Variants in TBXAS1 observed in about 807,000 individuals in gnomAD.
TBXAS1 encodes thromboxane-A synthase.
Under a neutral mutation model 60.7 loss-of-function variants are expected in TBXAS1, and 48 were observed. The observed-to-expected ratio is 0.79, with a 90% CI of 0.63 to 1.01. The LOEUF (loss-of-function observed/expected upper bound fraction) is 1.01, where lower values mean the gene tolerates loss of function less well. Ranked by LOEUF, TBXAS1 falls within the 50% of genes least tolerant of loss-of-function variation. The pLI is 0.00. For missense variants in TBXAS1, 685 were observed against 686.3 expected (o/e 1.00, Z 0.02); for synonymous variants, 287 against 269.7 (o/e 1.06, Z -0.63).
At position 139,805,712 on chromosome 7, in the gene TBXAS1, T is replaced by TTCTTTTCTC. The variant is rs753031062; in HGVS notation, c.-80+18289_-80+18290insTTTCTCTCT. Among the ~76,000 whole-genome samples, 177 of 44,354 alleles carry TTCTTTTCTC rather than the reference T, an allele frequency of 4.0e-3. 2 individuals carry two copies. Among genetic ancestry groups the TTCTTTTCTC allele is most frequent in the Admixed American group, 0.035 (150 of 4,314 alleles). The allele number at this position is 44,354 out of a possible 152,430, so 29.1% of individuals were successfully genotyped here. On this transcript the variant is annotated intron_variant, in intron 4 of 16. Coordinates refer to the TBXAS1 transcript ENST00000336425. ...TTTCTTTCTTTCTTTCTTTCTTTCT[T>TTCTTTTCTC]TCTCTCTCTCTCTCTCTCTTTCTTT...
At chr7:139,836,035 AAAATAAATAAATAAATAAATAAAT>A (rs201367497) in intron 1 of TBXAS1, among the ~76,000 whole-genome samples, 2 of 140,348 alleles carry the variant, frequency 1.4e-5, no homozygotes, top group South Asian at 2.3e-4. Flanking sequence ...AATAGCTGCA[AAAATAAATAAATAAATAAATAAAT>A]AAATAAATAA....
chr7:139,941,796 C>G (rs946054154), intron 5 of TBXAS1, among the ~76,000 whole-genome samples: 13 of 152,166 alleles, frequency 8.5e-5, no homozygotes, highest in Non-Finnish European at 1.9e-4. Flanking sequence ...TTGTGTAAAA[C>G]TTTATTAAGG....
At chr7:139,808,508 AT>A (rs1168612564) in intron 4 of TBXAS1, among the ~76,000 whole-genome samples, 2 of 152,134 alleles carry the variant, frequency 1.3e-5, no homozygotes, top group Non-Finnish European at 2.9e-5. Context: ...TAATTTAATT[AT>A]TAATAATGAC....
intron 9 of TBXAS1, among the ~76,000 whole-genome samples, chr7:139,976,093 T>G (rs530667265): frequency 1.3e-5 from 2 of 152,382 alleles, no homozygotes; most frequent in East Asian, 3.9e-4. Flanking sequence ...TTCATTTTCA[T>G]CATTTTCCTT....
chr7:140,009,490 C>T (rs566924799), intron 10 of TBXAS1, among the ~76,000 whole-genome samples: 63 of 152,186 alleles, frequency 4.1e-4, no homozygotes, highest in African/African-American at 1.3e-3. Context: ...GGAGGAGCGC[C>T]GGCACTGGTC....
At chr7:139,842,503 T>C (rs754107921) in intron 1 of TBXAS1, among the ~76,000 whole-genome samples, 4 of 152,224 alleles carry the variant, frequency 2.6e-5, no homozygotes, top group Non-Finnish European at 4.4e-5. Flanking sequence ...TATATGGACT[T>C]GTTTTTTGGT....
intron 4 of TBXAS1, among the ~76,000 whole-genome samples, chr7:139,790,912 G>A (rs1207055317): frequency 6.6e-6 from 1 of 152,068 alleles, no homozygotes; most frequent in African/African-American, 2.4e-5. Context: ...AAGCAATCCT[G>A]CCACCTCAGC....
chr7:139,852,821 A>G lies in TBXAS1; in HGVS notation c.90-19414A>G, dbSNP rs1251099546. On this transcript the variant is annotated intron_variant, in intron 1 of 12. Coordinates refer to ENST00000448866, the MANE Select transcript of TBXAS1 (RefSeq NM_001061.7). The surrounding 1 kb of genome is among the most constrained non-coding windows in gnomAD (Gnocchi z 4.4). ...TTATGAAGACATAACTTCTTATCCA[A>G]TTGGCAAACATTTTTTAAATGCCTA... is the stretch of plus-strand genomic sequence containing the variant. Among the ~76,000 whole-genome samples the G allele has an allele frequency of 6.6e-6, 1 of 152,040 alleles. No homozygotes were observed. Among genetic ancestry groups the G allele is most frequent in the African/African-American group, 2.4e-5 (1 of 41,378 alleles).
intron 9 of TBXAS1, among the ~76,000 whole-genome samples, chr7:139,963,342 A>T (rs1225834857): frequency 1.3e-5 from 2 of 152,218 alleles, no homozygotes; most frequent in African/African-American, 4.8e-5. Context: ...AATAATTTTG[A>T]ATCTTGATTC....
At chr7:139,816,705 G>A (rs60802653) in intron 4 of TBXAS1, among the ~76,000 whole-genome samples, 4 of 152,310 alleles carry the variant, frequency 2.6e-5, no homozygotes, top group East Asian at 1.9e-4. Context: ...TGTATTTAAC[G>A]AGTTCTGCAG....
chr7:139,955,697 C>T, intron 7 of TBXAS1, 90 bp downstream of exon 7: 2 of 1,579,826 alleles, frequency 1.3e-6, no homozygotes, highest in Non-Finnish European at 1.7e-6. Context: ...GGGCTCTGTC[C>T]CTGCCACTGG....
intron 5 of TBXAS1, among the ~76,000 whole-genome samples, chr7:139,941,146 C>G (rs112688378): frequency 3.3e-5 from 5 of 152,302 alleles, no homozygotes; most frequent in African/African-American, 1.2e-4. Flanking sequence ...CATCTCTAGT[C>G]CTTTCTGAAT....
At chr7:139,849,956 G>T (rs1800096001) in intron 1 of TBXAS1, among the ~76,000 whole-genome samples, 2 of 152,220 alleles carry the variant, frequency 1.3e-5, no homozygotes, top group South Asian at 2.1e-4. Flanking sequence ...AATTGCTCCA[G>T]AATTGTTTTA....
At chr7:139,980,335 G>A (rs1036687239) in intron 9 of TBXAS1, among the ~76,000 whole-genome samples, 5 of 152,094 alleles carry the variant, frequency 3.3e-5, no homozygotes, top group African/African-American at 1.2e-4. Context: ...GATGCAAGGC[G>A]GGTTTCCCTA....
chr7:139,902,339 A>T (rs917686867), intron 3 of TBXAS1, among the ~76,000 whole-genome samples: 3 of 152,080 alleles, frequency 2.0e-5, no homozygotes, highest in African/African-American at 4.8e-5. Flanking sequence ...TATTTCAAGA[A>T]TGTTATGTAA....
At chr7:139,951,699 G>A (rs540210448) in intron 5 of TBXAS1, among the ~76,000 whole-genome samples, 1 of 146,142 alleles carries the variant, frequency 6.8e-6, no homozygotes, top group South Asian at 2.2e-4. Context: ...CTTGAACCTG[G>A]GAGGCAGAGG....
chr7:139,946,844 C>A (rs1271756244), intron 5 of TBXAS1, among the ~76,000 whole-genome samples: 2 of 152,322 alleles, frequency 1.3e-5, no homozygotes, highest in South Asian at 2.1e-4. Flanking sequence ...CAAGATCACA[C>A]AGCTATAAAG....
intron 9 of TBXAS1, chr7:139,962,515 G>C: frequency 2.5e-6 from 1 of 400,864 alleles, no homozygotes; most frequent in Non-Finnish European, 4.7e-6. Context: ...GGAAGCCCAG[G>C]AAGGTGTCAG....
chr7:139,806,911 T>C (rs1239361875), intron 4 of TBXAS1, among the ~76,000 whole-genome samples: 1 of 152,240 alleles, frequency 6.6e-6, no homozygotes, highest in Admixed American at 6.5e-5. Flanking sequence ...TCTCCCAAAC[T>C]TCCTTTGAAC....
Sources: gnomAD v4.1 joint callset for allele counts (sites outside exome capture counted in the v4.1 genomes callset) on GRCh38, gnomAD v4.1.1 for gene constraint, Gnocchi (gnomAD v3.1) non-coding constraint, MANE v1.5 for transcripts, NCBI Gene and HGNC (gene_info 2026-07-23, HGNC 2026-07-21) for gene names.